ADORA2B: variants seen among roughly 807,000 people sequenced by gnomAD.
The protein encoded by ADORA2B is adenosine A2b receptor.
ADORA2B carries 18 observed loss-of-function variants against 20.8 expected under a neutral mutation model. The ratio of observed to expected loss-of-function variants is 0.87; its 90% CI spans 0.60 to 1.29. The LOEUF is 1.29. Among genes scored for constraint, ADORA2B ranks in the 50% most tolerant of loss-of-function variants. ADORA2B has a pLI of 0.00. For missense variants in ADORA2B, 441 were observed against 422.7 expected (o/e 1.04, Z -0.38); for synonymous variants, 179 against 178.3 (o/e 1.00, Z -0.03).
chr17:15,866,931 C>T, the ADORA2B span, among the ~76,000 whole-genome samples: 50 of 152,368 alleles, frequency 3.3e-4, 1 homozygote, highest in African/African-American at 9.1e-4. Flanking sequence ...ATTGCAGGCG[C>T]GCGCCGCCAC....
chr17:15,875,308 A>G, the ADORA2B span, among the ~76,000 whole-genome samples: 1 of 152,166 alleles, frequency 6.6e-6, no homozygotes, highest in Non-Finnish European at 1.5e-5. Context: ...ATTGCTAAAT[A>G]GCATGCTTAT....
At chr17:15,893,542 T>C in the ADORA2B span, among the ~76,000 whole-genome samples, 1 of 144,630 alleles carries the variant, frequency 6.9e-6, no homozygotes, top group Middle Eastern at 3.4e-3. Context: ...TAGCTACTGA[T>C]AAGTTCCTTT....
the ADORA2B span, among the ~76,000 whole-genome samples, chr17:15,917,168 C>T: frequency 4.6e-5 from 7 of 152,216 alleles, no homozygotes; most frequent in Non-Finnish European, 1.0e-4. Context: ...ATGAGCTGGG[C>T]GTGGTGGCGC....
At chr17:15,874,731 C>T in the ADORA2B span, among the ~76,000 whole-genome samples, 3 of 151,904 alleles carry the variant, frequency 2.0e-5, no homozygotes, top group Admixed American at 6.6e-5. Context: ...TATCACTTAT[C>T]GTGCCTTTTT....
At chr17:15,868,759 G>A in the ADORA2B span, among the ~76,000 whole-genome samples, 1 of 146,142 alleles carries the variant, frequency 6.8e-6, no homozygotes, top group South Asian at 2.2e-4. Context: ...CAGCCTGGGC[G>A]ACAGAGTGAG....
chr17:15,974,609 A>T, intron 1 of ADORA2B, 70 bp from the exon 2 acceptor site: 1 of 1,364,540 alleles, frequency 7.3e-7, no homozygotes, highest in Non-Finnish European at 1.0e-6. Flanking sequence ...AAAAAAGAGG[A>T]GGTGGGGTCT....
At chr17:15,930,810 A>G in the ADORA2B span, among the ~76,000 whole-genome samples, 1 of 152,230 alleles carries the variant, frequency 6.6e-6, no homozygotes, top group Non-Finnish European at 1.5e-5. Flanking sequence ...TCTCAAAACT[A>G]TCATTAAAAT....
At chr17:15,945,665 C>G in intron 1 of ADORA2B, 82 bp downstream of exon 1, 5 of 1,341,600 alleles carry the variant, frequency 3.7e-6, no homozygotes, top group Non-Finnish European at 3.9e-6. Flanking sequence ...GGGTTCCTCC[C>G]TCGGGGGCCC....
chr17:15,927,954 C>A, the ADORA2B span, among the ~76,000 whole-genome samples: 1 of 152,026 alleles, frequency 6.6e-6, no homozygotes, highest in Non-Finnish European at 1.5e-5. Context: ...TCCCGAGTAA[C>A]TGGGACTACA....
At chr17:15,974,597 G>A in intron 1 of ADORA2B, 82 bp from the exon 2 acceptor site, 1 of 1,291,276 alleles carries the variant, frequency 7.7e-7, no homozygotes, top group Non-Finnish European at 1.1e-6. Context: ...AAAGGGTCAT[G>A]GAAAAAAGAG....
chr17:15,940,343 G>A (rs940676629), upstream of ADORA2B, among the ~76,000 whole-genome samples: 1 of 152,168 alleles, frequency 6.6e-6, no homozygotes, highest in African/African-American at 2.4e-5. Flanking sequence ...CCTGGGATTG[G>A]GCTCATCCTC....
At chr17:15,913,372 T>C in the ADORA2B span, among the ~76,000 whole-genome samples, 1 of 152,240 alleles carries the variant, frequency 6.6e-6, no homozygotes. Flanking sequence ...AATTCTTCAC[T>C]GAACTCAAGG....
the ADORA2B span, among the ~76,000 whole-genome samples, chr17:15,885,298 A>G: frequency 6.6e-6 from 1 of 152,164 alleles, no homozygotes; most frequent in Non-Finnish European, 1.5e-5. Flanking sequence ...TAAGATTTTA[A>G]CATTTAAATA....
At chr17:15,883,176 AAACTT>A in the ADORA2B span, among the ~76,000 whole-genome samples, 1 of 152,258 alleles carries the variant, frequency 6.6e-6, no homozygotes, top group Non-Finnish European at 1.5e-5. Context: ...AGTATAAACT[AAACTT>A]AATCTTGGAA....
At chr17:15,853,154 A>G in the ADORA2B span, among the ~76,000 whole-genome samples, 1 of 152,156 alleles carries the variant, frequency 6.6e-6, no homozygotes, top group Non-Finnish European at 1.5e-5. Context: ...AGCAAGAGCT[A>G]AAACTGACAT....
the ADORA2B span, among the ~76,000 whole-genome samples, chr17:15,933,092 A>C: frequency 6.6e-6 from 1 of 151,694 alleles, no homozygotes; most frequent in Non-Finnish European, 1.5e-5. Flanking sequence ...AGTAGCTGGG[A>C]CTACAAGCGC....
the ADORA2B span, among the ~76,000 whole-genome samples, chr17:15,862,528 A>T: frequency 6.6e-6 from 1 of 151,812 alleles, no homozygotes; most frequent in Non-Finnish European, 1.5e-5. Context: ...CCCTTCTTTG[A>T]CTTTGGTGTC....
At chr17:15,870,570 G>A in the ADORA2B span, among the ~76,000 whole-genome samples, 5 of 133,362 alleles carry the variant, frequency 3.7e-5, no homozygotes, top group South Asian at 9.5e-4. Flanking sequence ...CCAAGATCGC[G>A]CTACTGCACT....
At chr17:15,862,027 A>G in the ADORA2B span, among the ~76,000 whole-genome samples, 1 of 151,894 alleles carries the variant, frequency 6.6e-6, no homozygotes, top group African/African-American at 2.4e-5. Flanking sequence ...GTGCACAAGC[A>G]TATTTGAGTG....
Sources: gnomAD v4.1 joint callset for allele counts (sites outside exome capture counted in the v4.1 genomes callset) on GRCh38, gnomAD v4.1.1 for gene constraint, MANE v1.5 for transcripts, NCBI Gene and HGNC (gene_info 2026-07-23, HGNC 2026-07-21) for gene names.